Variants in NALF1 observed in about 807,000 individuals in gnomAD.
The protein encoded by NALF1 is family with sequence similarity 155 member A.
Under a neutral mutation model 48.4 loss-of-function variants are expected in NALF1, and 3 were observed. The ratio of observed to expected loss-of-function variants is 0.06; its 90% CI spans 0.03 to 0.16. NALF1 has a LOEUF of 0.16. Among genes scored for constraint, NALF1 ranks in the 10% least tolerant of loss-of-function variants. The pLI is 1.00. For missense variants in NALF1, 526 were observed against 571.5 expected, an observed-to-expected ratio of 0.92 and a Z score of 0.81; for synonymous variants, 262 against 245.7, an observed-to-expected ratio of 1.07 and a Z score of -0.62.
chr13:107,316,077 G>A (rs537928373), intron 1 of NALF1, among the ~76,000 whole-genome samples: 80 of 151,962 alleles, frequency 5.3e-4, no homozygotes, highest in African/African-American at 1.9e-3. Flanking sequence ...TCCCCAGTGT[G>A]TGATGTTTCC....
chr13:107,406,437 T>C (rs928023345), intron 1 of NALF1, among the ~76,000 whole-genome samples: 2 of 151,878 alleles, frequency 1.3e-5, no homozygotes, highest in Admixed American at 6.6e-5. Context: ...TAAAGTTAAA[T>C]ACCTGGGAAT....
At chr13:107,783,690 C>A (rs575986321) in intron 1 of NALF1, among the ~76,000 whole-genome samples, 88 of 151,762 alleles carry the variant, frequency 5.8e-4, no homozygotes, top group African/African-American at 2.0e-3. Flanking sequence ...GTCATCACCA[C>A]TCCCTAATCT....
At chr13:107,709,419 T>C (rs151146910) in intron 1 of NALF1, among the ~76,000 whole-genome samples, 4 of 152,294 alleles carry the variant, frequency 2.6e-5, no homozygotes, top group African/African-American at 9.6e-5. Flanking sequence ...ACGTGGATAA[T>C]TCATGACACC....
At chr13:107,716,222 T>C (rs573134341) in intron 1 of NALF1, among the ~76,000 whole-genome samples, 1 of 152,060 alleles carries the variant, frequency 6.6e-6, no homozygotes, top group Non-Finnish European at 1.5e-5. Flanking sequence ...GATAAGAGAG[T>C]GCTGAAAGGT....
chr13:107,824,869 G>A lies in NALF1; in HGVS notation c.915+40813C>T, dbSNP rs74112656. Among the ~76,000 whole-genome samples, 680 of 152,226 alleles carry A rather than the reference G, an allele frequency of 4.5e-3. 7 individuals carry two copies. Among genetic ancestry groups the A allele is most frequent in the African/African-American group, 0.016 (650 of 41,534 alleles). On this transcript the variant is annotated intron_variant, in intron 1 of 2. Coordinates refer to ENST00000375915, the MANE Select transcript of NALF1 (RefSeq NM_001080396.3). The stretch of plus-strand genomic sequence containing the variant: ...GTTTGCTTTGCACCACTGCTCTTAC[G>A]AGTTTCAGTTTGCCACTTCACTGGC...
At chr13:107,502,967 C>T (rs186969487) in intron 1 of NALF1, among the ~76,000 whole-genome samples, 1 of 152,188 alleles carries the variant, frequency 6.6e-6, no homozygotes, top group Non-Finnish European at 1.5e-5. Flanking sequence ...AAGAGGCAGC[C>T]CAGTTAGTTA....
At chr13:107,619,417 C>A (rs557208498) in intron 1 of NALF1, among the ~76,000 whole-genome samples, 1 of 152,160 alleles carries the variant, frequency 6.6e-6, no homozygotes, top group Non-Finnish European at 1.5e-5. Flanking sequence ...GAGATCCCAT[C>A]ATGAAGTATC....
chr13:107,674,798 C>CA (rs1881073039), intron 1 of NALF1, among the ~76,000 whole-genome samples: 1 of 152,058 alleles, frequency 6.6e-6, no homozygotes, highest in Admixed American at 6.5e-5. Context: ...ATTCAGAGAC[C>CA]AGGGAAAAGT....
intron 1 of NALF1, among the ~76,000 whole-genome samples, chr13:107,734,775 AATG>A (rs568823532): frequency 6.6e-6 from 1 of 152,146 alleles, no homozygotes; most frequent in Admixed American, 6.6e-5. Context: ...TCCCATTAAT[AATG>A]ATGATGATGA....
chr13:107,214,502 C>G (rs570056807), intron 1 of NALF1, among the ~76,000 whole-genome samples: 1 of 152,162 alleles, frequency 6.6e-6, no homozygotes, highest in South Asian at 2.1e-4. Flanking sequence ...AAAATGTGTG[C>G]GAGGTCTCTG....
At chr13:107,672,791 G>A (rs1881020760) in intron 1 of NALF1, among the ~76,000 whole-genome samples, 1 of 151,998 alleles carries the variant, frequency 6.6e-6, no homozygotes, top group South Asian at 2.1e-4. Flanking sequence ...AATTATCTGA[G>A]GTAAAAAATT....
chr13:107,394,075 C>T (rs1883670793), intron 1 of NALF1, among the ~76,000 whole-genome samples: 1 of 152,114 alleles, frequency 6.6e-6, no homozygotes, highest in South Asian at 2.1e-4. Flanking sequence ...ACGCATGATG[C>T]CAACACCAAA....
At chr13:107,364,744 A>T (rs148118589) in intron 1 of NALF1, among the ~76,000 whole-genome samples, 4,065 of 152,282 alleles carry the variant, frequency 0.027, 72 homozygotes, top group Middle Eastern at 0.044. Flanking sequence ...TAATACAGAA[A>T]GGGGGTCAGA....
At chr13:107,778,387 G>C (rs1436821203) in intron 1 of NALF1, among the ~76,000 whole-genome samples, 1 of 152,228 alleles carries the variant, frequency 6.6e-6, no homozygotes, top group East Asian at 1.9e-4. Flanking sequence ...ATGTGACACT[G>C]TGTGAGGAGT....
chr13:107,614,775 T>A (rs946608731), intron 1 of NALF1, among the ~76,000 whole-genome samples: 7 of 151,832 alleles, frequency 4.6e-5, no homozygotes, highest in African/African-American at 1.4e-4. Context: ...TTTTTTTTTT[T>A]TTCTTTCTTT....
At chr13:107,758,135 A>C (rs997512652) in intron 1 of NALF1, among the ~76,000 whole-genome samples, 1 of 152,214 alleles carries the variant, frequency 6.6e-6, no homozygotes, top group Non-Finnish European at 1.5e-5. Flanking sequence ...CAATGCAAGA[A>C]AAATGTCCAA....
intron 1 of NALF1, among the ~76,000 whole-genome samples, chr13:107,428,581 C>T (rs560993928): frequency 7.2e-5 from 11 of 152,054 alleles, no homozygotes; most frequent in South Asian, 6.3e-4. Context: ...AGAGAAGGTG[C>T]CAAGCAACAG....
At chr13:107,603,436 G>C (rs758354587) in intron 1 of NALF1, among the ~76,000 whole-genome samples, 1 of 152,140 alleles carries the variant, frequency 6.6e-6, no homozygotes, top group Non-Finnish European at 1.5e-5. Flanking sequence ...AAGCAATAAT[G>C]AGTTATTGTT....
chr13:107,387,262 T>A lies in NALF1; in HGVS notation c.916-176507A>T, dbSNP rs1196741189. On this transcript the variant is annotated intron_variant, in intron 1 of 2. Coordinates refer to ENST00000375915, the MANE Select transcript of NALF1 (RefSeq NM_001080396.3). ...GAGATGTTTCGCAAATCTATATTAC[T>A]CCTTGTATGAATTGATTTCTCTAGT... is the stretch of plus-strand genomic sequence containing the variant. Among the ~76,000 whole-genome samples the A allele has an allele frequency of 3.3e-5, 5 of 152,186 alleles. 1 individual carries two copies. In the East Asian group the frequency reaches 9.7e-4, roughly 29 times the overall value.
Sources: allele counts gnomAD v4.1 joint callset (sites outside exome capture counted in the v4.1 genomes callset), GRCh38; gene constraint gnomAD v4.1.1; transcripts MANE v1.5; gene names NCBI Gene and HGNC (gene_info 2026-07-23, HGNC 2026-07-21).